Variants in LRIG2 observed in about 807,000 individuals in gnomAD.
LRIG2 encodes leucine-rich repeats and immunoglobulin-like domains protein 2.
In LRIG2, 93 loss-of-function variants were observed where a neutral mutation model predicts 107.8. That is an observed-to-expected ratio of 0.86 (90% CI 0.73 to 1.03). The LOEUF (loss-of-function observed/expected upper bound fraction) is 1.03. LRIG2 is among the 50% of genes least tolerant of loss of function. LRIG2 has a pLI of 0.00. For synonymous variants in LRIG2, 471 were observed against 470.6 expected (o/e 1.00, Z -0.01); for missense variants, 1,226 against 1,296.0 (o/e 0.95, Z 0.83).
rs1180266858 is a variant in LRIG2, at chr1:113,130,352, A to G, written c.*6251A>G. 1 of 152,234 alleles carries G rather than the reference A, an allele frequency of 6.6e-6. No homozygotes were observed. Among genetic ancestry groups the G allele is most frequent in the African/African-American group, 2.4e-5 (1 of 41,466 alleles). The allele number at this position is 152,234 out of a possible 1,614,324, so 9.4% of individuals were successfully genotyped here. A position where few individuals can be genotyped will look rare whatever the true frequency, so the allele number is the denominator to read the frequency against. The stretch of plus-strand genomic sequence containing the variant: ...TAAAAGGAAGTTAAGATGTCAAGCA[A>G]TTTAGATTCTGTTACCCATTTCCCT... On this transcript the variant is annotated 3_prime_UTR_variant, in exon 18 of 18. Transcript: ENST00000361127.
In LRIG2 at chr1:113,119,533, G is replaced by GT. The variant is rs764302752; in HGVS notation, c.2971+11dup. On this transcript the variant is annotated intron_variant, in intron 17 of 17. Coordinates refer to ENST00000361127, the MANE Select transcript of LRIG2 (RefSeq NM_014813.3). The stretch of plus-strand genomic sequence containing the variant: ...ACACAGATGAGCGGTGGTAAGGGAT[G>GT]TATTTTTGTTGTTATTTTGTTTTTA... 6.2e-7 allele frequency: 1 copy of GT among 1,609,294 alleles called. No individual in the cohort carries two copies. Among genetic ancestry groups the GT allele is most frequent in the Admixed American group, 1.7e-5 (1 of 58,966 alleles).
At chr1:113,091,087 C>T (rs1653800322) in intron 1 of LRIG2, among the ~76,000 whole-genome samples, 1 of 151,846 alleles carries the variant, frequency 6.6e-6, no homozygotes, top group South Asian at 2.1e-4. Flanking sequence ...AGGTGATCTG[C>T]CACACCTGGC....
At chr1:113,123,832 G>A in intron 17 of LRIG2, 43 bp from the exon 18 acceptor site, 1 of 1,538,456 alleles carries the variant, frequency 6.5e-7, no homozygotes, top group Non-Finnish European at 8.9e-7. Context: ...AGGATATTAA[G>A]TTTTACCAGT....
At chr1:113,094,984 A>ATGTT (rs138090493) in intron 6 of LRIG2, among the ~76,000 whole-genome samples, 1 of 139,684 alleles carries the variant, frequency 7.2e-6, no homozygotes, top group African/African-American at 2.5e-5. Flanking sequence ...ATATATATAT[A>ATGTT]TTTTTTTTGA....
chr1:113,106,500 GGTTTTCTTTTT>G (rs1469100187), intron 11 of LRIG2, among the ~76,000 whole-genome samples: 1 of 151,864 alleles, frequency 6.6e-6, no homozygotes. Context: ...TGTTGAAGTG[GGTTTTCTTTTT>G]GTTTTGTTTT....
intron 1 of LRIG2, among the ~76,000 whole-genome samples, chr1:113,090,265 T>C (rs532086830): frequency 5.3e-5 from 8 of 152,278 alleles, no homozygotes; most frequent in Non-Finnish European, 1.0e-4. Context: ...GCATAAAATA[T>C]CCAGAAGTCT....
chr1:113,110,865 C>T (rs1654745667), intron 13 of LRIG2, among the ~76,000 whole-genome samples: 1 of 152,110 alleles, frequency 6.6e-6, no homozygotes, highest in Non-Finnish European at 1.5e-5. Flanking sequence ...CATTCCAGAA[C>T]CATAAATCTC....
chr1:113,087,560 G>A (rs1429269989), intron 1 of LRIG2, among the ~76,000 whole-genome samples: 1 of 152,122 alleles, frequency 6.6e-6, no homozygotes, highest in African/African-American at 2.4e-5. Flanking sequence ...TGCTGGCCAG[G>A]CTTGTCTCGA....
intron 8 of LRIG2, 135 bp from the exon 9 acceptor site, chr1:113,098,570 C>T: frequency 3.3e-6 from 2 of 613,352 alleles, no homozygotes; most frequent in Non-Finnish European, 2.9e-6. Context: ...AGAGTTGAGC[C>T]TTCATCATAA....
intron 1 of LRIG2, among the ~76,000 whole-genome samples, chr1:113,082,530 T>A (rs1653333817): frequency 6.6e-6 from 1 of 152,132 alleles, no homozygotes; most frequent in Admixed American, 6.6e-5. Context: ...CTCAGGGAGC[T>A]TTTACTCGTG....
chr1:113,085,094 A>G lies in LRIG2; in HGVS notation c.240-6224A>G, dbSNP rs190768425. Among the ~76,000 whole-genome samples, 41 of 152,308 alleles carry G rather than the reference A, an allele frequency of 2.7e-4. No individual in the cohort carries two copies. In the East Asian group the frequency reaches 5.8e-3, roughly 21 times the overall value. On this transcript the variant is annotated intron_variant, in intron 1 of 17. Coordinates refer to ENST00000361127, the MANE Select transcript of LRIG2 (RefSeq NM_014813.3). The stretch of plus-strand genomic sequence containing the variant: ...GTTTTTTAAGGTATTTGTATTCTCT[A>G]TCTCTTCTCCTTTTGCCTTCCTCAG...
At chr1:113,111,093 G>A (rs543783163) in intron 13 of LRIG2, among the ~76,000 whole-genome samples, 1 of 152,214 alleles carries the variant, frequency 6.6e-6, no homozygotes, top group African/African-American at 2.4e-5. Context: ...GGAATGCAGT[G>A]GCATGATCTC....
intron 15 of LRIG2, among the ~76,000 whole-genome samples, 200 bp downstream of exon 15, chr1:113,115,076 T>C (rs1654946446): frequency 6.6e-6 from 1 of 152,220 alleles, no homozygotes; most frequent in African/African-American, 2.4e-5. Flanking sequence ...AGACCTCATC[T>C]TCCCCCTCAA....
At chr1:113,090,018 A>G (rs1198488285) in intron 1 of LRIG2, among the ~76,000 whole-genome samples, 1 of 151,472 alleles carries the variant, frequency 6.6e-6, no homozygotes, top group Non-Finnish European at 1.5e-5. Context: ...AAGGAAGACC[A>G]CATCCCTATC....
intron 11 of LRIG2, among the ~76,000 whole-genome samples, chr1:113,105,345 T>G (rs944091431): frequency 6.6e-6 from 1 of 152,152 alleles, no homozygotes; most frequent in Admixed American, 6.5e-5. Context: ...TACTAAAATA[T>G]TGCTAGTGGT....
intron 8 of LRIG2, 58 bp from the exon 9 acceptor site, chr1:113,098,647 C>A: frequency 9.9e-7 from 1 of 1,011,744 alleles, no homozygotes; most frequent in South Asian, 1.3e-5. Context: ...GGATACTGCT[C>A]AATGTTGTGA....
At chr1:113,094,847 G>A (rs1653981611) in intron 6 of LRIG2, 92 bp downstream of exon 6, 2 of 1,244,138 alleles carry the variant, frequency 1.6e-6, no homozygotes, top group Admixed American at 2.2e-5. Flanking sequence ...TCTGATTATA[G>A]AGATACATTC....
intron 8 of LRIG2, among the ~76,000 whole-genome samples, chr1:113,098,455 C>T (rs1163534508): frequency 6.6e-6 from 1 of 152,190 alleles, no homozygotes; most frequent in Non-Finnish European, 1.5e-5. Flanking sequence ...TAGCAGGTTG[C>T]TTTATTTACC....
In LRIG2 at chr1:113,119,536, T is replaced by C. The variant is rs1655159142; in HGVS notation, c.2971+13T>C. 6.2e-7 allele frequency: 1 copy of C among 1,608,080 alleles called. No individual in the cohort carries two copies. Among genetic ancestry groups the C allele is most frequent in the South Asian group, 1.1e-5 (1 of 90,764 alleles). On this transcript the variant is annotated intron_variant, in intron 17 of 17. Transcript: ENST00000361127. ...CAGATGAGCGGTGGTAAGGGATGTATTTTTGTTGTTATTTTGTTTTTACTT... is the reference window on the plus strand; with the variant it reads ...CAGATGAGCGGTGGTAAGGGATGTACTTTTGTTGTTATTTTGTTTTTACTT...
Sources: allele counts gnomAD v4.1 joint callset (sites outside exome capture counted in the v4.1 genomes callset), GRCh38; gene constraint gnomAD v4.1.1; transcripts MANE v1.5; gene names NCBI Gene and HGNC (gene_info 2026-07-23, HGNC 2026-07-21).